Variants in RGS12 observed in about 807,000 individuals in gnomAD.
The protein encoded by RGS12 is regulator of G-protein signaling 12.
RGS12 carries 66 observed loss-of-function variants against 120.1 expected under a neutral mutation model. The observed-to-expected ratio is 0.55, with a 90% confidence interval of 0.45 to 0.67. The LOEUF is 0.67. Among genes scored for constraint, RGS12 ranks in the 30% least tolerant of loss-of-function variants. RGS12 has a pLI of 0.00. For missense variants in RGS12, 1,859 were observed against 1,957.7 expected (o/e 0.95, Z 0.95); for synonymous variants, 827 against 804.7 (o/e 1.03, Z -0.47).
At chr4:3,375,988 G>T (rs1252007130) in intron 3 of RGS12, among the ~76,000 whole-genome samples, 1 of 152,246 alleles carries the variant, frequency 6.6e-6, no homozygotes, top group Non-Finnish European at 1.5e-5. Flanking sequence ...GCGAGCTGAG[G>T]AGGGCAAAGG....
intron 4 of RGS12, among the ~76,000 whole-genome samples, chr4:3,398,395 A>C (rs1042585499): frequency 6.6e-6 from 1 of 152,190 alleles, no homozygotes; most frequent in African/African-American, 2.4e-5. Flanking sequence ...ATGCTTGGGA[A>C]GCTGAGGCAG....
rs1307951855 is a variant in RGS12, at chr4:3,423,648, G to GTT, written c.3234+8_3234+9dup. 1.2e-6 allele frequency: 2 copies of GTT among 1,602,314 alleles called. No individual in the cohort carries two copies. Among genetic ancestry groups the GTT allele is most frequent in the East Asian group, 4.5e-5 (2 of 44,760 alleles). ...TGGCCTGCTGGTGAGGCTGGTGAGT[G>GTT]TTGCACGGGGCCCGGGCGTCGTCAC... is the stretch of plus-strand genomic sequence containing the variant. On this transcript the variant is annotated splice_region_variant and intron_variant, in intron 13 of 17. Coordinates refer to ENST00000336727, the MANE Select transcript of RGS12 (RefSeq NM_001394154.1).
At chr4:3,361,716 G>A (rs760559620) in intron 3 of RGS12, among the ~76,000 whole-genome samples, 2 of 152,200 alleles carry the variant, frequency 1.3e-5, no homozygotes, top group Non-Finnish European at 2.9e-5. Flanking sequence ...TTGCAGGGGC[G>A]AGTTTTGTTT....
intron 1 of RGS12, among the ~76,000 whole-genome samples, chr4:3,297,996 G>T (rs1723475145): frequency 6.6e-6 from 1 of 152,174 alleles, no homozygotes; most frequent in Non-Finnish European, 1.5e-5. Flanking sequence ...TTTAGACAAT[G>T]ATTTTTTCGG....
intron 3 of RGS12, among the ~76,000 whole-genome samples, chr4:3,358,450 G>A (rs770835676): frequency 6.6e-6 from 1 of 152,118 alleles, no homozygotes; most frequent in East Asian, 1.9e-4. Context: ...CAATGGAGAT[G>A]ATGTTTGTTG....
chr4:3,389,380 G>T lies in RGS12; in HGVS notation c.2020+2943G>T, dbSNP rs902036803. Reference sequence around the variant, plus strand: ...TCTAGCATTATAGAGAGGCTTAGCAGGGGAATGGTCTGCCTTGTGGGAAGT... The same window carrying T: ...TCTAGCATTATAGAGAGGCTTAGCATGGGAATGGTCTGCCTTGTGGGAAGT... On this transcript the variant is annotated intron_variant, in intron 4 of 17. Coordinates refer to ENST00000336727, the MANE Select transcript of RGS12 (RefSeq NM_001394154.1). This position sits in a 1 kb window ranked among gnomAD's most constrained non-coding sequence, Gnocchi z 5.2. Among the ~76,000 whole-genome samples, 1 of 152,172 alleles carries T rather than the reference G, an allele frequency of 6.6e-6. No individual in the cohort carries two copies. The highest frequency in any genetic ancestry group is 6.5e-5 in the Admixed American group (1 of 15,280).
chr4:3,401,940 C>T (rs1428324745), intron 4 of RGS12, among the ~76,000 whole-genome samples: 1 of 152,230 alleles, frequency 6.6e-6, no homozygotes, highest in Non-Finnish European at 1.5e-5. Flanking sequence ...AGAGCCTCTC[C>T]ACAGTCAGCA....
At chr4:3,394,626 A>G (rs1719864777) in intron 4 of RGS12, among the ~76,000 whole-genome samples, 1 of 152,198 alleles carries the variant, frequency 6.6e-6, no homozygotes, top group Non-Finnish European at 1.5e-5. Flanking sequence ...CTTCAGATGC[A>G]TTTTTGTTGC....
intron 3 of RGS12, among the ~76,000 whole-genome samples, chr4:3,357,990 G>A (rs550769512): frequency 1.3e-5 from 2 of 152,206 alleles, no homozygotes; most frequent in East Asian, 3.9e-4. Flanking sequence ...ATCAACATGG[G>A]ATATGTTATA....
chr4:3,393,003 C>T (rs952468171), intron 4 of RGS12, among the ~76,000 whole-genome samples: 6 of 152,044 alleles, frequency 3.9e-5, no homozygotes, highest in African/African-American at 1.4e-4. Context: ...AACAAAAAAC[C>T]CCAAAATGTT....
chr4:3,417,290 A>G (rs1025567276), intron 8 of RGS12, 98 bp from the exon 9 acceptor site: 1 of 1,371,760 alleles, frequency 7.3e-7, no homozygotes. Context: ...CATCCCATAG[A>G]GTGCTTGTGT....
chr4:3,379,987 A>G (rs1368769400), intron 3 of RGS12, among the ~76,000 whole-genome samples: 6 of 152,206 alleles, frequency 3.9e-5, no homozygotes, highest in Non-Finnish European at 7.3e-5. Flanking sequence ...CATTAACTCA[A>G]AAGTCCAAGT....
intron 4 of RGS12, among the ~76,000 whole-genome samples, chr4:3,411,995 G>A (rs570644130): frequency 5.3e-5 from 8 of 152,346 alleles, no homozygotes; most frequent in African/African-American, 1.4e-4. Context: ...GGCGGCCACC[G>A]CGGTCACACA....
chr4:3,287,118 C>T, the RGS12 span, among the ~76,000 whole-genome samples: 2 of 152,296 alleles, frequency 1.3e-5, no homozygotes, highest in Non-Finnish European at 2.9e-5. Flanking sequence ...CTGAGCGCTA[C>T]CTGCTCACTG....
chr4:3,393,019 A>G (rs1490142295), intron 4 of RGS12, among the ~76,000 whole-genome samples: 1 of 152,168 alleles, frequency 6.6e-6, no homozygotes, highest in Non-Finnish European at 1.5e-5. Flanking sequence ...ATGTTTGTAT[A>G]TTTATAAGAC....
chr4:3,423,314 C>A (rs893480877), intron 12 of RGS12, among the ~76,000 whole-genome samples: 2 of 152,222 alleles, frequency 1.3e-5, no homozygotes, highest in Non-Finnish European at 2.9e-5. Flanking sequence ...ACTGCTATCC[C>A]TGGAGGAGGA....
intron 3 of RGS12, among the ~76,000 whole-genome samples, chr4:3,361,663 G>A (rs1715578005): frequency 6.6e-6 from 1 of 152,192 alleles, no homozygotes; most frequent in Non-Finnish European, 1.5e-5. Flanking sequence ...GAGCTCCCGA[G>A]GCAAGAGGTG....
At chr4:3,381,809 T>G (rs1718291388) in intron 3 of RGS12, among the ~76,000 whole-genome samples, 2 of 152,246 alleles carry the variant, frequency 1.3e-5, no homozygotes, top group African/African-American at 4.8e-5. Context: ...GTTTTCATAC[T>G]TTCAGAGAAA....
intron 1 of RGS12, chr4:3,312,368 TAA>T: frequency 6.2e-6 from 1 of 160,270 alleles, no homozygotes; most frequent in African/African-American, 2.4e-5. Flanking sequence ...ACAGAAAAAT[TAA>T]AACATTAGCC....
Sources: allele counts gnomAD v4.1 joint callset (sites outside exome capture counted in the v4.1 genomes callset), GRCh38; gene constraint gnomAD v4.1.1; non-coding constraint Gnocchi (gnomAD v3.1); transcripts MANE v1.5; gene names NCBI Gene and HGNC (gene_info 2026-07-23, HGNC 2026-07-21).